The following SERPINA3 variants were observed in gnomAD, a reference collection of about 807,000 sequenced individuals.
SERPINA3 encodes serpin family A member 3, also known as alpha-1-antichymotrypsin.
SERPINA3 carries 32 observed loss-of-function variants against 26.8 expected under a neutral mutation model. The ratio of observed to expected loss-of-function variants is 1.20; its 90% CI spans 0.90 to 1.61. SERPINA3 has a LOEUF of 1.61. SERPINA3 is among the 40% of genes most tolerant of loss of function. The probability of loss-of-function intolerance (pLI) is 0.00; values close to 1 mark genes in which losing one functional copy is unlikely to be tolerated. For synonymous variants in SERPINA3, 252 were observed against 206.4 expected, an observed-to-expected ratio of 1.22 and a Z score of -1.89; for missense variants, 632 against 517.9, an observed-to-expected ratio of 1.22 and a Z score of -2.14.
intron 3 of SERPINA3, among the ~76,000 whole-genome samples, chr14:94,620,930 C>T (rs749537177): frequency 6.6e-6 from 1 of 152,174 alleles, no homozygotes; most frequent in African/African-American, 2.4e-5. Context: ...CAGGTCGCTG[C>T]TCTTCTCTGG....
chr14:94,614,345 G>C, intron 1 of SERPINA3, 89 bp from the exon 2 acceptor site: 2 of 1,357,518 alleles, frequency 1.5e-6, no homozygotes, highest in Non-Finnish European at 2.1e-6. Context: ...AGCAGGACAG[G>C]GACCAGGACG....
Position 94,623,648 on chromosome 14 carries a change from G to C in SERPINA3, c.1106G>C (p.Gly369Ala), listed in dbSNP as rs779305276. ...GCTGTGCTTGATGTATTTGAGGAGG[G>C]CACAGAAGCATCTGCTGCCACAGCA... ...HKAVLDVFEE[G>A]TEASAATAVK... The change falls in exon 5 of 5, where the codon GGC becomes GCC. Residue 369 changes from glycine (G) to alanine (A), a missense_variant. Gly to Ala is a moderately conservative substitution (Grantham distance 60). Coordinates refer to ENST00000393078, the MANE Select transcript of SERPINA3 (RefSeq NM_001085.5). 5 of 1,614,116 alleles carry C rather than the reference G, an allele frequency of 3.1e-6. No homozygotes were observed. Among genetic ancestry groups the C allele is most frequent in the Non-Finnish European group, 4.2e-6 (5 of 1,180,010 alleles).
At chr14:94,614,330 G>A in intron 1 of SERPINA3, 104 bp from the exon 2 acceptor site, 1 of 1,160,916 alleles carries the variant, frequency 8.6e-7, no homozygotes, top group Non-Finnish European at 1.3e-6. Flanking sequence ...AAGCTAGCAA[G>A]AGGCAGCAGG....
intron 2 of SERPINA3, 106 bp downstream of exon 2, chr14:94,615,190 ACAGCATGGGGG>A (rs1885948140): frequency 1.6e-6 from 2 of 1,230,524 alleles, no homozygotes; most frequent in Non-Finnish European, 2.4e-6. Context: ...GAGAGTGCCC[ACAGCATGGGGG>A]CAGCATAAGC....
chr14:94,619,588 C>T lies in SERPINA3; in HGVS notation c.917+120C>T. On this transcript the variant is annotated intron_variant, in intron 3 of 4. Coordinates refer to ENST00000393078, the MANE Select transcript of SERPINA3 (RefSeq NM_001085.5). ...CAGGGACAGGTGGAATTTACACTTA[C>T]TTTGCCCTATGCTGCCTACATGGCT... The T allele has an allele frequency of 3.1e-6, 4 of 1,285,942 alleles. No homozygotes were observed. The East Asian group carries it at 7.3e-5, about 23-fold the overall frequency. The allele number at this position is 1,285,942 out of a possible 1,614,324, so 79.7% of individuals were successfully genotyped here.
At chr14:94,613,210 C>T (rs990705968) in intron 1 of SERPINA3, 2 of 151,110 alleles carry the variant, frequency 1.3e-5, no homozygotes, top group Non-Finnish European at 2.9e-5. Context: ...CCTTTCCTTC[C>T]TTCCCTTCCT....
At chr14:94,618,181 G>C (rs1402904224) in intron 2 of SERPINA3, 1 of 152,170 alleles carries the variant, frequency 6.6e-6, no homozygotes. Flanking sequence ...GAAGTCTGCT[G>C]TCATTTTCAT....
At chr14:94,614,088 A>G (rs1885884037) in intron 1 of SERPINA3, 2 of 313,976 alleles carry the variant, frequency 6.4e-6, no homozygotes, top group Non-Finnish European at 1.2e-5. Flanking sequence ...ATTGGACTGA[A>G]CCTCGGACCC....
At chr14:94,613,227 C>A (rs1208102275) in intron 1 of SERPINA3, 4 of 150,842 alleles carry the variant, frequency 2.7e-5, no homozygotes, top group African/African-American at 4.9e-5. Flanking sequence ...TCCTTCCACT[C>A]TCTCTTCCCC....
Position 94,619,445 on chromosome 14 carries a change from G to T in SERPINA3, c.894G>T (p.Arg298=). Residue 298 remains arginine, a synonymous_variant, in exon 3 of 5, where the codon CGG becomes CGT. Transcript: ENST00000393078. ...TGCTGCTCCCAGAGACCCTGAAGCG[G>T]TGGAGAGACTCTCTGGAGTTCAGGT... ...EAMLLPETLK[R]WRDSLEFREI... is the part of the protein sequence containing the mutation. 1 of 1,614,148 alleles carries T rather than the reference G, an allele frequency of 6.2e-7. No individual in the cohort carries two copies. Among genetic ancestry groups the T allele is most frequent in the South Asian group, 1.1e-5 (1 of 91,078 alleles).
At chr14:94,615,684 G>A (rs147325439) in intron 2 of SERPINA3, among the ~76,000 whole-genome samples, 104 of 152,312 alleles carry the variant, frequency 6.8e-4, no homozygotes, top group African/African-American at 2.2e-3. Context: ...ACAAATGAGG[G>A]CAGAAATGGC....
intron 2 of SERPINA3, 60 bp downstream of exon 2, chr14:94,615,144 C>A (rs1885947093): frequency 6.3e-7 from 1 of 1,577,364 alleles, no homozygotes; most frequent in Non-Finnish European, 8.7e-7. Flanking sequence ...TCTGTCCTGA[C>A]TCAACAATGG....
intron 2 of SERPINA3, 179 bp from the exon 3 acceptor site, chr14:94,619,016 C>T (rs1276561211): frequency 1.4e-6 from 1 of 695,840 alleles, no homozygotes; most frequent in Admixed American, 2.1e-5. Flanking sequence ...TTTTCCCAAT[C>T]CAAGCCTGCT....
Position 94,614,481 on chromosome 14 carries a change from G to A in SERPINA3, c.40G>A (p.Ala14Thr), listed in dbSNP as rs886905373. The A allele has an allele frequency of 3.7e-6, 6 of 1,613,930 alleles. No homozygotes were observed. The African/African-American group carries it at 6.7e-5, about 18-fold the overall frequency. ...MLPLLALGLLAAGFCPAVLCH... is the reference protein window; with the variant it reads ...MLPLLALGLLTAGFCPAVLCH... ...ACCTCTCCTGGCTCTGGGGCTCTTG[G>A]CGGCTGGGTTCTGCCCTGCTGTCCT... The change falls in exon 2 of 5, where the codon GCG becomes ACG. Residue 14 changes from alanine to threonine, a missense_variant. Transcript: ENST00000393078.
rs760709039 is a variant in SERPINA3, at chr14:94,614,987, C to G, written c.546C>G (p.Asp182Glu). Residue 182 changes from aspartate (D) to glutamate (E), a missense_variant, in exon 2 of 5, where the codon GAC (aspartate) becomes GAG (glutamate). Coordinates refer to ENST00000393078, the MANE Select transcript of SERPINA3 (RefSeq NM_001085.5). Reference sequence around the variant, plus strand: ...CTGCAGCTAAGAAGCTCATCAACGACTACGTGAAGAATGGAACTAGGGGGA... The same window carrying G: ...CTGCAGCTAAGAAGCTCATCAACGAGTACGTGAAGAATGGAACTAGGGGGA... ...DSAAAKKLINDYVKNGTRGKI... is the reference protein window; with the variant it reads ...DSAAAKKLINEYVKNGTRGKI... 1 of 1,614,022 alleles carries G rather than the reference C, an allele frequency of 6.2e-7. No homozygotes were observed. The highest frequency in any genetic ancestry group is 8.5e-7 in the Non-Finnish European group (1 of 1,179,884).
At position 94,622,267 on chromosome 14, in the gene SERPINA3, C is replaced by A. The variant is rs890311950; in HGVS notation, c.918-74C>A. ...TGACTGTAGAGGAAACCAGGGAAGA[C>A]CATGCTGCGAGGTGGGAGGCAGGTA... On this transcript the variant is annotated intron_variant, in intron 3 of 4. Transcript: ENST00000393078. 14 of 1,415,378 alleles carry A rather than the reference C, an allele frequency of 9.9e-6. No individual in the cohort carries two copies. The African/African-American group carries it at 1.1e-4, about 11-fold the overall frequency. The allele number at this position is 1,415,378 out of a possible 1,614,324, so 87.7% of individuals were successfully genotyped here. A position where few individuals can be genotyped will look rare whatever the true frequency, so the allele number is the denominator to read the frequency against.
rs558285382 is a variant in SERPINA3, at chr14:94,615,851, T to G, written c.643+767T>G. On this transcript the variant is annotated intron_variant, in intron 2 of 4. Coordinates refer to ENST00000393078, the MANE Select transcript of SERPINA3 (RefSeq NM_001085.5). The stretch of plus-strand genomic sequence containing the variant: ...TCCGAAGGGGCAGAGTGCAAGCCGG[T>G]AGCTTTTGCCTCCTGGAGCCCACAG... Among the ~76,000 whole-genome samples the G allele has an allele frequency of 8.1e-4, 123 of 152,162 alleles. 2 individuals carry two copies. In the South Asian group the frequency reaches 0.025, roughly 31 times the overall value.
chr14:94,617,228 A>G (rs1221153695), intron 2 of SERPINA3, among the ~76,000 whole-genome samples: 1 of 152,206 alleles, frequency 6.6e-6, no homozygotes, highest in African/African-American at 2.4e-5. Flanking sequence ...TCCTACCCTG[A>G]GATGGGTCCT....
intron 2 of SERPINA3, among the ~76,000 whole-genome samples, chr14:94,616,668 G>A (rs1367103828): frequency 2.0e-5 from 3 of 152,184 alleles, no homozygotes; most frequent in African/African-American, 7.2e-5. Context: ...CCAACCAGGG[G>A]CAGAAGATGG....
Sources: allele counts gnomAD v4.1 joint callset (sites outside exome capture counted in the v4.1 genomes callset), GRCh38; gene constraint gnomAD v4.1.1; transcripts MANE v1.5; gene names NCBI Gene and HGNC (gene_info 2026-07-23, HGNC 2026-07-21).